Variants in INO80 observed in about 807,000 individuals in gnomAD.
INO80 encodes chromatin-remodeling ATPase INO80.
Under a neutral mutation model 203.4 loss-of-function variants are expected in INO80, and 20 were observed. That is an observed-to-expected ratio of 0.10 (90% confidence interval 0.07 to 0.14). The LOEUF (loss-of-function observed/expected upper bound fraction) is 0.14, where lower values mean the gene tolerates loss of function less well. INO80 is among the 10% of genes least tolerant of loss of function. The pLI is 1.00. For missense variants in INO80, 1,419 were observed against 1,914.4 expected, an observed-to-expected ratio of 0.74 and a Z score of 4.83; for synonymous variants, 726 against 685.2, an observed-to-expected ratio of 1.06 and a Z score of -0.93.
intron 29 of INO80, among the ~76,000 whole-genome samples, chr15:40,991,750 G>T (rs551696970): frequency 6.6e-6 from 1 of 152,072 alleles, no homozygotes; most frequent in South Asian, 2.1e-4. Flanking sequence ...GGGGATGAGA[G>T]AATGAGATTT....
chr15:41,087,418 G>C, intron 6 of INO80, 144 bp downstream of exon 6: 1 of 862,488 alleles, frequency 1.2e-6, no homozygotes, highest in Non-Finnish European at 1.8e-6. Context: ...AACTGTACTT[G>C]CTACTAATTA....
chr15:41,078,207 A>T (rs1265597126), intron 9 of INO80, among the ~76,000 whole-genome samples: 1 of 152,128 alleles, frequency 6.6e-6, no homozygotes, highest in Non-Finnish European at 1.5e-5. Flanking sequence ...CAAGAATAAT[A>T]TCTTTAACCC....
chr15:41,046,288 G>A (rs2044766517), intron 23 of INO80, among the ~76,000 whole-genome samples: 1 of 130,016 alleles, frequency 7.7e-6, no homozygotes. Flanking sequence ...GGGGTACAAT[G>A]GCATGATCTA....
intron 23 of INO80, 48 bp from the exon 24 acceptor site, chr15:41,045,123 T>C (rs1017278034): frequency 2.0e-6 from 3 of 1,468,070 alleles, no homozygotes; most frequent in African/African-American, 1.4e-5. Context: ...CCATGGAGGT[T>C]TGAGGGTCGT....
rs147292251 is a variant in INO80, at chr15:41,113,353, G to A, written c.-44+2620C>T. Among the ~76,000 whole-genome samples the A allele has an allele frequency of 9.0e-3, 1,362 of 152,030 alleles. 18 individuals carry two copies. Among genetic ancestry groups the A allele is most frequent in the African/African-American group, 0.032 (1,317 of 41,458 alleles). On this transcript the variant is annotated intron_variant, in intron 1 of 35. Coordinates refer to ENST00000648947, the MANE Select transcript of INO80 (RefSeq NM_017553.3). ...TCAATCTCGGCTCACTGCAACCTCC[G>A]CCTCCCGGGTTCAAGCGATTCTCCT...
chr15:41,071,697 G>C, intron 12 of INO80, 152 bp downstream of exon 12: 2 of 595,974 alleles, frequency 3.4e-6, no homozygotes, highest in Non-Finnish European at 5.8e-6. Context: ...CCAACCTCAG[G>C]TGATCCGCCT....
In INO80 at chr15:41,047,532, C is replaced by T. The variant is rs148426199; in HGVS notation, c.2642-31G>A. ...ATATAAAAGACAATTTGAAACCCAA[C>T]AGCAAACCAAGAGACGATGCTCAGT... is the stretch of plus-strand genomic sequence containing the variant. On this transcript the variant is annotated intron_variant, in intron 22 of 35. Coordinates refer to ENST00000648947, the MANE Select transcript of INO80 (RefSeq NM_017553.3). The T allele has an allele frequency of 4.7e-4, 680 of 1,460,162 alleles. 4 individuals are homozygous for T. The Middle Eastern group carries it at 0.019, about 42-fold the overall frequency. 90.5% of individuals were successfully genotyped at this position (1,460,162 alleles called of 1,614,324 possible). A position where few individuals can be genotyped will look rare whatever the true frequency, so the allele number is the denominator to read the frequency against.
At chr15:40,995,506 A>G (rs759215758) in intron 29 of INO80, among the ~76,000 whole-genome samples, 8 of 152,236 alleles carry the variant, frequency 5.3e-5, no homozygotes, top group Non-Finnish European at 1.2e-4. Context: ...AGAGCCTTAT[A>G]CTTTATTTTA....
intron 13 of INO80, 104 bp from the exon 14 acceptor site, chr15:41,069,769 C>T: frequency 3.1e-6 from 2 of 655,116 alleles, no homozygotes; most frequent in South Asian, 4.0e-5. Flanking sequence ...AAACAAATAA[C>T]AAGAGAAACA....
At chr15:41,001,966 A>G (rs1040246414) in intron 28 of INO80, among the ~76,000 whole-genome samples, 3 of 152,176 alleles carry the variant, frequency 2.0e-5, no homozygotes, top group African/African-American at 4.8e-5. Context: ...ACTCAAATTT[A>G]TAAGTTGAGC....
intron 1 of INO80, among the ~76,000 whole-genome samples, chr15:41,101,515 AT>A (rs1202823569): frequency 6.6e-6 from 1 of 151,214 alleles, no homozygotes; most frequent in Non-Finnish European, 1.5e-5. Context: ...TTGCTGTGAT[AT>A]TTGAGTCACC....
chr15:41,000,592 G>T (rs534451585), intron 28 of INO80, among the ~76,000 whole-genome samples: 2 of 151,598 alleles, frequency 1.3e-5, no homozygotes, highest in Middle Eastern at 3.4e-3. Flanking sequence ...CTACTTGGGA[G>T]GCTGAGGTAG....
chr15:41,055,393 T>C (rs769288988), intron 17 of INO80, 29 bp from the exon 18 acceptor site: 1 of 1,432,476 alleles, frequency 7.0e-7, no homozygotes, highest in Non-Finnish European at 9.8e-7. Context: ...ATGAAATAGC[T>C]ATAGAGCAAT....
chr15:41,041,238 G>A (rs886143073), intron 24 of INO80, among the ~76,000 whole-genome samples: 5 of 151,740 alleles, frequency 3.3e-5, no homozygotes, highest in Non-Finnish European at 5.9e-5. Flanking sequence ...ACAGGTACAC[G>A]GCATCATGCT....
intron 25 of INO80, among the ~76,000 whole-genome samples, chr15:41,021,537 TA>T (rs2044294620): frequency 6.6e-6 from 1 of 152,240 alleles, no homozygotes; most frequent in East Asian, 1.9e-4. Flanking sequence ...AGACTTCATT[TA>T]AAAACTAAAG....
intron 4 of INO80, among the ~76,000 whole-genome samples, chr15:41,093,720 G>C (rs997855910): frequency 6.6e-6 from 1 of 151,776 alleles, no homozygotes; most frequent in African/African-American, 2.4e-5. Flanking sequence ...TGGTGGTGCG[G>C]GCCTGTAGTC....
Position 41,096,317 on chromosome 15 carries a change from A to G in INO80, c.-7T>C, listed in dbSNP as rs776477092. ...CACCCAACTCCGAGGCCATAGAACA[A>G]ATCTGTCTTCATGCACAAGGACCTC... On this transcript the variant is annotated 5_prime_UTR_variant, in exon 2 of 36. Coordinates refer to ENST00000648947, the MANE Select transcript of INO80 (RefSeq NM_017553.3). 7.6e-6 allele frequency: 12 copies of G among 1,576,020 alleles called. No homozygotes were observed. Among genetic ancestry groups the G allele is most frequent in the Admixed American group, 4.2e-5 (2 of 47,660 alleles).
Position 41,045,000 on chromosome 15 carries a change from C to T in INO80, c.2811G>A (p.Gly937=), listed in dbSNP as rs766343124. ...TCCTCAGGTATCTCTGGTGGCTCTC[C>T]CCTTCTGGCGCTCCCCAGGAGCGTA... ...HQLRSWGAPE[G]ESHQRYLRNK... is the part of the protein sequence containing the mutation. The change falls in exon 24 of 36, where the codon GGG becomes GGA. Residue 937 remains glycine (G), a synonymous_variant. Coordinates refer to ENST00000648947, the MANE Select transcript of INO80 (RefSeq NM_017553.3). 6.2e-7 allele frequency: 1 copy of T among 1,613,938 alleles called. No homozygotes were observed. The highest frequency in any genetic ancestry group is 1.7e-5 in the Admixed American group (1 of 59,988).
chr15:41,048,406 C>T, intron 21 of INO80, 130 bp from the exon 22 acceptor site: 2 of 653,840 alleles, frequency 3.1e-6, no homozygotes, highest in Non-Finnish European at 2.7e-6. Context: ...AGTTTCTTGC[C>T]ATATTACCAG....
Sources: gnomAD v4.1 joint callset for allele counts (sites outside exome capture counted in the v4.1 genomes callset) on GRCh38, gnomAD v4.1.1 for gene constraint, MANE v1.5 for transcripts, NCBI Gene and HGNC (gene_info 2026-07-23, HGNC 2026-07-21) for gene names.